CABP4: variants seen among roughly 807,000 people sequenced by gnomAD.
CABP4 encodes calcium-binding protein 4.
Under a neutral mutation model 30.7 loss-of-function variants are expected in CABP4, and 30 were observed. The ratio of observed to expected loss-of-function variants is 0.98; its 90% CI spans 0.73 to 1.33. The LOEUF (loss-of-function observed/expected upper bound fraction) is 1.33, where lower values mean the gene tolerates loss of function less well. Among genes scored for constraint, CABP4 ranks in the 40% most tolerant of loss-of-function variants. The probability of loss-of-function intolerance (pLI) is 0.00; values close to 1 mark genes in which losing one functional copy is unlikely to be tolerated. For missense variants in CABP4, 424 were observed against 395.5 expected (o/e 1.07, Z -0.61); for synonymous variants, 161 against 159.2 (o/e 1.01, Z -0.08).
intron 3 of CABP4, among the ~76,000 whole-genome samples, chr11:67,457,154 G>A (rs532471671): frequency 6.6e-6 from 1 of 152,214 alleles, no homozygotes; most frequent in Non-Finnish European, 1.5e-5. Context: ...CGGACCACAT[G>A]GGTGTGTTCG....
At position 67,455,766 on chromosome 11, in the gene CABP4, C is replaced by T. The variant is rs1439960404; in HGVS notation, c.343C>T (p.Leu115=). ...CGCTGCTCAGAGGACATACGGGCCC[C>T]TGCTCAATCGAGTCTTCGGGAAGGT... ...HDAAQRTYGP[L]LNRVFGKDRE... is the part of the protein sequence containing the mutation. Residue 115 remains leucine, a synonymous_variant, in exon 1 of 6, where the codon CTG becomes TTG. Coordinates refer to ENST00000325656, the MANE Select transcript of CABP4 (RefSeq NM_145200.5). 2.5e-6 allele frequency: 4 copies of T among 1,586,014 alleles called. No individual in the cohort carries two copies. The highest frequency in any genetic ancestry group is 2.3e-5 in the East Asian group (1 of 43,532).
chr11:67,455,523 G>A lies in CABP4; in HGVS notation c.100G>A (p.Glu34Lys). Residue 34 changes from glutamate to lysine, a missense_variant, in exon 1 of 6, where the codon GAG becomes AAG. By Grantham distance (56) the Glu-to-Lys change is moderately conservative. Transcript: ENST00000325656. ...TGTGACTCCCAAGAGTGATGCAGAG[G>A]AGCCCCCGTTGACCAGGAAGAGGAG... ...GVVTPKSDAEEPPLTRKRSKK... is the reference protein window; with the variant it reads ...GVVTPKSDAEKPPLTRKRSKK... 1 of 1,604,154 alleles carries A rather than the reference G, an allele frequency of 6.2e-7. No homozygotes were observed. Among genetic ancestry groups the A allele is most frequent in the Middle Eastern group, 1.7e-4 (1 of 6,022 alleles).
At position 67,456,339 on chromosome 11, in the gene CABP4, C is replaced by G. The variant is rs758334265; in HGVS notation, c.438C>G (p.Asp146Glu). 6.2e-6 allele frequency: 10 copies of G among 1,613,796 alleles called. No individual in the cohort carries two copies. Among genetic ancestry groups the G allele is most frequent in the Non-Finnish European group, 8.5e-6 (10 of 1,180,024 alleles). ...TCGAGGAGTTTGACACTGACCGTGA[C>G]GGCTACATCAGCCACCGGGAGCTGG... ...AAFEEFDTDR[D>E]GYISHRELGD... is the part of the protein sequence containing the mutation. The change falls in exon 3 of 6, where the codon GAC becomes GAG. Residue 146 changes from aspartate (D) to glutamate (E), a missense_variant. By Grantham distance (45) the Asp-to-Glu change is conservative (BLOSUM62 2). Transcript: ENST00000325656.
Position 67,458,415 on chromosome 11 carries a change from G to A in CABP4, c.696G>A (p.Arg232=). The A allele has an allele frequency of 1.8e-5, 29 of 1,613,700 alleles. No individual in the cohort carries two copies. Among genetic ancestry groups the A allele is most frequent in the Non-Finnish European group, 2.4e-5 (28 of 1,179,756 alleles). ...RDGRITVAEL[R]EAVPALLGEP... ...GACGAATTACGGTGGCGGAGCTGCGGGAGGCGGTACCGGCTCTGCTCGGGG... is the reference window on the plus strand; with the variant it reads ...GACGAATTACGGTGGCGGAGCTGCGAGAGGCGGTACCGGCTCTGCTCGGGG... Residue 232 remains arginine (R), a synonymous_variant, in exon 5 of 6, where the codon CGG becomes CGA. Transcript: ENST00000325656.
Position 67,458,793 on chromosome 11 carries a change from C to T in CABP4, c.*134C>T. 9.4e-7 allele frequency: 1 copy of T among 1,058,844 alleles called. No individual in the cohort carries two copies. The highest frequency in any genetic ancestry group is 1.4e-6 in the Non-Finnish European group (1 of 705,948). 65.6% of individuals were successfully genotyped at this position (1,058,844 alleles called of 1,614,324 possible). ...CCCAGACTACTTCTATCCCTGAAAACACCTGGCCTCAATGTTGGCTTGTTA... is the reference window on the plus strand; with the variant it reads ...CCCAGACTACTTCTATCCCTGAAAATACCTGGCCTCAATGTTGGCTTGTTA... On this transcript the variant is annotated 3_prime_UTR_variant, in exon 6 of 6. Coordinates refer to ENST00000325656, the MANE Select transcript of CABP4 (RefSeq NM_145200.5).
At chr11:67,453,919 C>A (rs1232581898), upstream of CABP4, among the ~76,000 whole-genome samples, 1 of 152,034 alleles carries the variant, frequency 6.6e-6, no homozygotes, top group Admixed American at 6.5e-5. Context: ...GCAGTGGGAA[C>A]CCCCTCCCCT....
At chr11:67,455,893 G>A in intron 1 of CABP4, 104 bp downstream of exon 1, 1 of 1,436,670 alleles carries the variant, frequency 7.0e-7, no homozygotes, top group South Asian at 1.4e-5. Flanking sequence ...TGCCTCTTCT[G>A]CCCCAGACTG....
chr11:67,455,892 T>G, intron 1 of CABP4, 103 bp downstream of exon 1: 1 of 1,424,216 alleles, frequency 7.0e-7, no homozygotes, highest in South Asian at 1.4e-5. Flanking sequence ...CTGCCTCTTC[T>G]GCCCCAGACT....
chr11:67,454,939 T>C (rs1864706079), upstream of CABP4, among the ~76,000 whole-genome samples: 1 of 152,168 alleles, frequency 6.6e-6, no homozygotes, highest in African/African-American at 2.4e-5. Context: ...GGCCACTCGC[T>C]CATCCTTTCC....
intron 1 of CABP4, 143 bp from the exon 2 acceptor site, chr11:67,456,045 C>G: frequency 6.7e-7 from 1 of 1,503,392 alleles, no homozygotes; most frequent in Non-Finnish European, 9.2e-7. Context: ...GCTTGCTCCT[C>G]CTGGGTCCCA....
rs567905142 is a variant in CABP4, at chr11:67,459,664, T to G, written c.*1005T>G. On this transcript the variant is annotated 3_prime_UTR_variant, in exon 6 of 6. Transcript: ENST00000325656. ...GGAACTTGTGATAAAAATTACAGAT[T>G]ATTGGGCTGGGAGTGGTGGCTCACG... 1 of 152,226 alleles carries G rather than the reference T, an allele frequency of 6.6e-6. No individual in the cohort carries two copies. Among genetic ancestry groups the G allele is most frequent in the African/African-American group, 2.4e-5 (1 of 41,526 alleles). 9.4% of individuals were successfully genotyped at this position (152,226 alleles called of 1,614,324 possible).
intron 4 of CABP4, 101 bp from the exon 5 acceptor site, chr11:67,458,270 A>G: frequency 1.0e-6 from 1 of 986,138 alleles, no homozygotes; most frequent in East Asian, 3.6e-5. Flanking sequence ...AAAATAAAAT[A>G]AAAATAAATA....
At chr11:67,454,399 G>A (rs1271553608), upstream of CABP4, among the ~76,000 whole-genome samples, 1 of 152,146 alleles carries the variant, frequency 6.6e-6, no homozygotes, top group Non-Finnish European at 1.5e-5. Flanking sequence ...TTCCTCCTCA[G>A]GCTGACCCCC....
chr11:67,454,122 G>C (rs1463327992), upstream of CABP4, among the ~76,000 whole-genome samples: 1 of 152,188 alleles, frequency 6.6e-6, no homozygotes, highest in Non-Finnish European at 1.5e-5. Context: ...CTAAAGAGAG[G>C]GGGAGGGGCT....
In CABP4 at chr11:67,456,011, C is replaced by T. The variant is rs1591000564; in HGVS notation, c.367-177C>T. On this transcript the variant is annotated intron_variant, in intron 1 of 5. Coordinates refer to ENST00000325656, the MANE Select transcript of CABP4 (RefSeq NM_145200.5). ...TCACACCAGGGCTCTGTGGGAGCTC[C>T]AGGCTCTAGGAGCACAAAAGGGAGC... The T allele has an allele frequency of 4.7e-6, 6 of 1,286,058 alleles. No homozygotes were observed. The East Asian group carries it at 1.5e-4, about 32-fold the overall frequency. 79.7% of individuals were successfully genotyped at this position (1,286,058 alleles called of 1,614,324 possible).
intron 3 of CABP4, 130 bp downstream of exon 3, chr11:67,456,572 A>AG (rs1864814315): frequency 8.3e-7 from 1 of 1,199,592 alleles, no homozygotes; most frequent in Non-Finnish European, 1.2e-6. Flanking sequence ...GTTTCCAGGC[A>AG]GGGGCACCGG....
In CABP4 at chr11:67,460,545, C is replaced by A. The variant is rs1273120095; in HGVS notation, c.*1886C>A. 7.3e-6 allele frequency among the ~76,000 whole-genome samples: 1 copy of A among 137,376 alleles called. No homozygotes were observed. Among genetic ancestry groups the A allele is most frequent in the Non-Finnish European group, 1.6e-5 (1 of 63,096 alleles). 90.1% of individuals were successfully genotyped at this position (137,376 alleles called of 152,430 possible). A position where few individuals can be genotyped will look rare whatever the true frequency, so the allele number is the denominator to read the frequency against. On this transcript the variant is annotated 3_prime_UTR_variant, in exon 6 of 6. Transcript: ENST00000325656. ...CACACACACACACACACACACACAG[C>A]CATTGGAATGAAAAAATAATGGATA...
upstream of CABP4, among the ~76,000 whole-genome samples, chr11:67,453,902 G>T (rs1381431950): frequency 6.6e-6 from 1 of 152,114 alleles, no homozygotes; most frequent in Non-Finnish European, 1.5e-5. Context: ...AAGGTAGGGA[G>T]TCTGGGGCAG....
chr11:67,456,342 C>T lies in CABP4; in HGVS notation c.441C>T (p.Gly147=). ...AFEEFDTDRD[G]YISHRELGDC... is the part of the protein sequence containing the mutation. ...AGGAGTTTGACACTGACCGTGACGG[C>T]TACATCAGCCACCGGGAGCTGGGTG... Residue 147 remains glycine (G), a synonymous_variant, in exon 3 of 6, where the codon GGC becomes GGT. Coordinates refer to ENST00000325656, the MANE Select transcript of CABP4 (RefSeq NM_145200.5). 1 of 1,613,796 alleles carries T rather than the reference C, an allele frequency of 6.2e-7. No individual in the cohort carries two copies. The highest frequency in any genetic ancestry group is 1.6e-4 in the Middle Eastern group (1 of 6,062).
Sources: gnomAD v4.1 joint callset for allele counts (sites outside exome capture counted in the v4.1 genomes callset) on GRCh38, gnomAD v4.1.1 for gene constraint, MANE v1.5 for transcripts, NCBI Gene and HGNC (gene_info 2026-07-23, HGNC 2026-07-21) for gene names.